Variants in ZFYVE9 observed in about 807,000 individuals in gnomAD.
The protein encoded by ZFYVE9 is zinc finger FYVE-type containing 9.
ZFYVE9 carries 43 observed loss-of-function variants against 126.7 expected under a neutral mutation model. The ratio of observed to expected loss-of-function variants is 0.34; its 90% CI spans 0.27 to 0.44. The LOEUF (loss-of-function observed/expected upper bound fraction) is 0.44, where lower values mean the gene tolerates loss of function less well. Ranked by LOEUF, ZFYVE9 falls within the 20% of genes least tolerant of loss-of-function variation. The probability of loss-of-function intolerance (pLI) is 1.00; values close to 1 mark genes in which losing one functional copy is unlikely to be tolerated. For synonymous variants in ZFYVE9, 521 were observed against 597.4 expected, an observed-to-expected ratio of 0.87 and a Z score of 1.87; for missense variants, 1,476 against 1,697.0, an observed-to-expected ratio of 0.87 and a Z score of 2.29.
chr1:52,180,750 CA>C lies in ZFYVE9; in HGVS notation c.-142-35618del, dbSNP rs376004608. ...CAGTGCTTTGGGAGCCTGAGGCAGG[CA>C]GATCACCTGAAGTTGGGAGTTCGAT... On this transcript the variant is annotated intron_variant, in intron 1 of 18. Coordinates refer to ENST00000287727, the MANE Select transcript of ZFYVE9 (RefSeq NM_004799.4). 3.4e-4 allele frequency among the ~76,000 whole-genome samples: 52 copies of C among 151,844 alleles called. No homozygotes were observed. The East Asian group carries it at 8.0e-3, about 23-fold the overall frequency.
intron 13 of ZFYVE9, among the ~76,000 whole-genome samples, chr1:52,309,199 C>T (rs886399604): frequency 5.9e-5 from 9 of 152,016 alleles, no homozygotes; most frequent in Non-Finnish European, 1.2e-4. Context: ...GAAGGGCAGA[C>T]GGCATGGTGA....
intron 13 of ZFYVE9, among the ~76,000 whole-genome samples, chr1:52,323,513 C>T (rs1036625798): frequency 5.3e-5 from 8 of 152,150 alleles, no homozygotes; most frequent in South Asian, 2.1e-4. Flanking sequence ...GTGTCTGGCA[C>T]GTATTAGATA....
intron 1 of ZFYVE9, among the ~76,000 whole-genome samples, chr1:52,194,831 G>T (rs752353590): frequency 6.6e-6 from 1 of 152,006 alleles, no homozygotes; most frequent in Non-Finnish European, 1.5e-5. Flanking sequence ...TTATTGATAG[G>T]GATAAGAGCT....
At chr1:52,235,206 G>A (rs1194382075) in intron 3 of ZFYVE9, among the ~76,000 whole-genome samples, 1 of 151,240 alleles carries the variant, frequency 6.6e-6, no homozygotes, top group African/African-American at 2.4e-5. Flanking sequence ...ACTACCAGTT[G>A]CATTAAAAAC....
chr1:52,276,235 C>T (rs1645747726), intron 8 of ZFYVE9, among the ~76,000 whole-genome samples: 1 of 152,136 alleles, frequency 6.6e-6, no homozygotes, highest in Non-Finnish European at 1.5e-5. Context: ...CTTATCTCAG[C>T]CTGTCTTTCT....
At chr1:52,213,673 A>G (rs545988523) in intron 1 of ZFYVE9, among the ~76,000 whole-genome samples, 3 of 151,994 alleles carry the variant, frequency 2.0e-5, no homozygotes, top group Non-Finnish European at 4.4e-5. Flanking sequence ...GGATTTATTG[A>G]CCCTTCCTCA....
At chr1:52,305,788 C>T (rs1356911554) in intron 13 of ZFYVE9, among the ~76,000 whole-genome samples, 1 of 152,192 alleles carries the variant, frequency 6.6e-6, no homozygotes, top group African/African-American at 2.4e-5. Context: ...GCCCCCCTCC[C>T]TTACAGCCCT....
At chr1:52,249,725 T>G (rs879826768) in intron 4 of ZFYVE9, among the ~76,000 whole-genome samples, 1 of 152,232 alleles carries the variant, frequency 6.6e-6, no homozygotes, top group Admixed American at 6.5e-5. Flanking sequence ...CTTTCCCTTA[T>G]GTTGTCTTCT....
At chr1:52,169,848 A>G (rs1380924603) in intron 1 of ZFYVE9, among the ~76,000 whole-genome samples, 1 of 152,160 alleles carries the variant, frequency 6.6e-6, no homozygotes, top group Non-Finnish European at 1.5e-5. Context: ...ACTCCTTGCT[A>G]TCCTCTTATT....
chr1:52,263,452 A>G (rs1020686153), intron 4 of ZFYVE9, among the ~76,000 whole-genome samples: 1 of 152,108 alleles, frequency 6.6e-6, no homozygotes, highest in Non-Finnish European at 1.5e-5. Context: ...TTCAACACCC[A>G]TGTTAGGTGA....
intron 1 of ZFYVE9, among the ~76,000 whole-genome samples, chr1:52,183,883 C>G (rs934433926): frequency 7.0e-6 from 1 of 142,590 alleles, no homozygotes; most frequent in Admixed American, 7.2e-5. Flanking sequence ...GAGATGGAGT[C>G]TCACTCTGTC....
At chr1:52,186,060 G>A (rs1644762442) in intron 1 of ZFYVE9, among the ~76,000 whole-genome samples, 1 of 151,998 alleles carries the variant, frequency 6.6e-6, no homozygotes, top group Admixed American at 6.6e-5. Context: ...GGCCAACATG[G>A]TGAAACCCCA....
At chr1:52,268,016 G>A (rs1645650740) in intron 6 of ZFYVE9, among the ~76,000 whole-genome samples, 1 of 151,980 alleles carries the variant, frequency 6.6e-6, no homozygotes, top group Admixed American at 6.6e-5. Context: ...GGCATCTTTT[G>A]CCCTTTGAAA....
At position 52,268,764 on chromosome 1, in the gene ZFYVE9, A is replaced by T. The variant is rs558298289; in HGVS notation, c.2625+132A>T. On this transcript the variant is annotated intron_variant, in intron 7 of 18. Coordinates refer to ENST00000287727, the MANE Select transcript of ZFYVE9 (RefSeq NM_004799.4). ...TTAGTGTATACGTGCACATATATGG[A>T]TAAAGTAAATGTGGCAAAAATCAGC... 12 of 1,086,700 alleles carry T rather than the reference A, an allele frequency of 1.1e-5. No homozygotes were observed. The African/African-American group carries it at 1.6e-4, about 14-fold the overall frequency. The allele number at this position is 1,086,700 out of a possible 1,614,324, so 67.3% of individuals were successfully genotyped here. A position where few individuals can be genotyped will look rare whatever the true frequency, so the allele number is the denominator to read the frequency against.
intron 4 of ZFYVE9, among the ~76,000 whole-genome samples, chr1:52,247,971 A>G (rs1645407502): frequency 6.6e-6 from 1 of 152,202 alleles, no homozygotes; most frequent in Non-Finnish European, 1.5e-5. Context: ...CGTAGCATGT[A>G]TTAGTCAGAA....
At chr1:52,144,410 A>C (rs1251888995) in intron 1 of ZFYVE9, among the ~76,000 whole-genome samples, 1 of 152,106 alleles carries the variant, frequency 6.6e-6, no homozygotes, top group Non-Finnish European at 1.5e-5. Context: ...TATAAGTATT[A>C]TATGTAATAT....
intron 13 of ZFYVE9, among the ~76,000 whole-genome samples, chr1:52,307,439 G>C (rs1478441573): frequency 1.3e-5 from 2 of 152,076 alleles, no homozygotes; most frequent in African/African-American, 4.8e-5. Flanking sequence ...ATTTCACCCT[G>C]TTGGCCAGGC....
chr1:52,145,855 A>G (rs529438895), intron 1 of ZFYVE9, among the ~76,000 whole-genome samples: 30 of 152,244 alleles, frequency 2.0e-4, no homozygotes, highest in African/African-American at 7.2e-4. Context: ...TAGCCAATAA[A>G]TTAGTATTCC....
chr1:52,154,350 G>C (rs1292443006), intron 1 of ZFYVE9, among the ~76,000 whole-genome samples: 1 of 152,220 alleles, frequency 6.6e-6, no homozygotes, highest in African/African-American at 2.4e-5. Flanking sequence ...GTTGGTCTTT[G>C]TTGCTCATAG....
Sources: allele counts gnomAD v4.1 joint callset (sites outside exome capture counted in the v4.1 genomes callset), GRCh38; gene constraint gnomAD v4.1.1; transcripts MANE v1.5; gene names NCBI Gene and HGNC (gene_info 2026-07-23, HGNC 2026-07-21).